Variants in CLOCK observed in about 807,000 individuals in gnomAD.
CLOCK encodes the protein clock circadian regulator.
A neutral mutation model predicts 118.4 loss-of-function variants in CLOCK; 43 were observed. That is an observed-to-expected ratio of 0.36 (90% CI 0.28 to 0.47). The LOEUF (loss-of-function observed/expected upper bound fraction) is 0.47. Among genes scored for constraint, CLOCK ranks in the 20% least tolerant of loss-of-function variants. The probability of loss-of-function intolerance (pLI) is 1.00; values close to 1 mark genes in which losing one functional copy is unlikely to be tolerated. For missense variants in CLOCK, 846 were observed against 999.9 expected, an observed-to-expected ratio of 0.85 and a Z score of 2.08; for synonymous variants, 326 against 339.2, an observed-to-expected ratio of 0.96 and a Z score of 0.43.
intron 4 of CLOCK, among the ~76,000 whole-genome samples, chr4:55,481,121 A>G (rs1362387586): frequency 6.6e-6 from 1 of 152,154 alleles, no homozygotes; most frequent in Admixed American, 6.5e-5. Flanking sequence ...GAAGTTTTAC[A>G]TAAATTCCCT....
intron 4 of CLOCK, among the ~76,000 whole-genome samples, chr4:55,482,112 T>A (rs1022445975): frequency 4.0e-4 from 61 of 152,318 alleles, no homozygotes; most frequent in African/African-American, 1.4e-3. Context: ...CTACTTTTAC[T>A]TTAGGTTCAG....
chr4:55,450,111 G>C lies in CLOCK; in HGVS notation c.1328C>G (p.Thr443Arg). 2 of 1,614,142 alleles carry C rather than the reference G, an allele frequency of 1.2e-6. No individual in the cohort carries two copies. Among genetic ancestry groups the C allele is most frequent in the East Asian group, 2.2e-5 (1 of 44,868 alleles). ...CTCACAGGAAGGGTCTGAGACGGCC[G>C]TGTGAGATGATTTTCTTGAACTCCG... ...SSRSSRKSSH[T>R]AVSDPSSTPT... The change falls in exon 16 of 23, where the codon ACG (threonine) becomes AGG (arginine). Residue 443 changes from threonine to arginine, a missense_variant. Thr to Arg is a moderately conservative substitution (Grantham distance 71, BLOSUM62 -1). Coordinates refer to ENST00000513440, the MANE Select transcript of CLOCK (RefSeq NM_004898.4).
rs1401873704 is a variant in CLOCK, at chr4:55,432,481, T to C, written c.*2934A>G. ...AATAAAGCAGAGGGAAGACTTTTTT[T>C]TTTTTTTTTTTAAAGCTGGAAGGTG... On this transcript the variant is annotated 3_prime_UTR_variant, in exon 23 of 23. Transcript: ENST00000513440. 1 of 151,186 alleles carries C rather than the reference T, an allele frequency of 6.6e-6. No individual in the cohort carries two copies. The highest frequency in any genetic ancestry group is 2.4e-5 in the African/African-American group (1 of 41,212). 9.4% of individuals were successfully genotyped at this position (151,186 alleles called of 1,614,324 possible). A position where few individuals can be genotyped will look rare whatever the true frequency, so the allele number is the denominator to read the frequency against.
chr4:55,544,222 TTCA>T (rs1489331742), intron 1 of CLOCK, among the ~76,000 whole-genome samples: 4 of 151,196 alleles, frequency 2.6e-5, no homozygotes, highest in African/African-American at 9.8e-5. Context: ...TTCACTGGGG[TTCA>T]TGTTTGATTT....
At chr4:55,530,286 C>T (rs1248471737) in intron 1 of CLOCK, among the ~76,000 whole-genome samples, 2 of 152,114 alleles carry the variant, frequency 1.3e-5, no homozygotes, top group Non-Finnish European at 2.9e-5. Flanking sequence ...AGAATAGCAT[C>T]AGACATCTTA....
intron 1 of CLOCK, among the ~76,000 whole-genome samples, chr4:55,522,756 A>C (rs950341280): frequency 2.6e-5 from 4 of 152,180 alleles, no homozygotes; most frequent in Non-Finnish European, 5.9e-5. Context: ...ATATGTATGC[A>C]TCTCCATATA....
intron 1 of CLOCK, among the ~76,000 whole-genome samples, chr4:55,542,666 A>T (rs1307765458): frequency 6.6e-6 from 1 of 152,002 alleles, no homozygotes; most frequent in African/African-American, 2.4e-5. Flanking sequence ...CAGTTAAGCA[A>T]AAGCCAAACC....
Position 55,463,822 on chromosome 4 carries a change from T to C in CLOCK, c.439-17A>G. 3.1e-6 allele frequency: 5 copies of C among 1,599,518 alleles called. No homozygotes were observed. The highest frequency in any genetic ancestry group is 4.3e-6 in the Non-Finnish European group (5 of 1,170,066). The stretch of plus-strand genomic sequence containing the variant: ...AAGATCAGACTGAAAAGAAAATTGT[T>C]AAAAGTAAAATAACTTCAATGATTC... On this transcript the variant is annotated splice_polypyrimidine_tract_variant and intron_variant, in intron 8 of 22. Transcript: ENST00000513440.
chr4:55,546,285 C>T (rs1731618966), intron 1 of CLOCK, among the ~76,000 whole-genome samples: 1 of 152,218 alleles, frequency 6.6e-6, no homozygotes, highest in Non-Finnish European at 1.5e-5. Context: ...CCACTCCCGC[C>T]CCTGCCCCGC....
At chr4:55,545,995 C>T (rs1302562503) in intron 1 of CLOCK, 1 of 152,242 alleles carries the variant, frequency 6.6e-6, no homozygotes, top group African/African-American at 2.4e-5. Flanking sequence ...CGGAACCAGC[C>T]CGCGGCCGGC....
At chr4:55,439,566 A>C (rs1265002371) in intron 21 of CLOCK, among the ~76,000 whole-genome samples, 1 of 152,184 alleles carries the variant, frequency 6.6e-6, no homozygotes, top group East Asian at 1.9e-4. Context: ...TACACCCATA[A>C]TCATAAGCAG....
intron 3 of CLOCK, among the ~76,000 whole-genome samples, chr4:55,485,542 GT>G (rs1455743904): frequency 6.6e-6 from 1 of 152,114 alleles, no homozygotes; most frequent in Admixed American, 6.5e-5. Flanking sequence ...TGTCCATGCT[GT>G]GGAGTCTAAG....
At chr4:55,513,857 C>T (rs1484102922) in intron 1 of CLOCK, among the ~76,000 whole-genome samples, 2 of 151,638 alleles carry the variant, frequency 1.3e-5, no homozygotes, top group African/African-American at 4.8e-5. Flanking sequence ...AGATTTATAC[C>T]TAAGTATTTA....
intron 2 of CLOCK, among the ~76,000 whole-genome samples, chr4:55,493,939 A>ATGAGGTTTAAATT (rs1727886072): frequency 6.6e-6 from 1 of 152,232 alleles, no homozygotes; most frequent in African/African-American, 2.4e-5. Flanking sequence ...TCATTAAATA[A>ATGAGGTTTAAATT]ACAAAAACTA....
chr4:55,507,813 G>C (rs1728906883), intron 2 of CLOCK, among the ~76,000 whole-genome samples: 1 of 152,124 alleles, frequency 6.6e-6, no homozygotes, highest in African/African-American at 2.4e-5. Context: ...CTTACTGTGT[G>C]CCAAATATGT....
At position 55,438,656 on chromosome 4, in the gene CLOCK, A is replaced by C. The variant is rs1723093078; in HGVS notation, c.2106-119T>G. ...CAATGACATTGCCAGTTTGTTTTTCAAGGTCTGTATATTCCTACTTTGTTT... is the reference window on the plus strand; with the variant it reads ...CAATGACATTGCCAGTTTGTTTTTCCAGGTCTGTATATTCCTACTTTGTTT... On this transcript the variant is annotated intron_variant, in intron 21 of 22. Coordinates refer to ENST00000513440, the MANE Select transcript of CLOCK (RefSeq NM_004898.4). The C allele has an allele frequency of 7.5e-6, 11 of 1,465,008 alleles. No homozygotes were observed. The South Asian group carries it at 1.2e-4, about 16-fold the overall frequency. The allele number at this position is 1,465,008 out of a possible 1,614,324, so 90.8% of individuals were successfully genotyped here.
intron 3 of CLOCK, among the ~76,000 whole-genome samples, chr4:55,483,519 T>C (rs1020840674): frequency 2.0e-5 from 3 of 152,156 alleles, no homozygotes; most frequent in African/African-American, 7.2e-5. Context: ...AACCAGAATC[T>C]ACATTTTCAC....
chr4:55,476,873 C>G (rs1577754812), intron 6 of CLOCK, among the ~76,000 whole-genome samples: 1 of 152,080 alleles, frequency 6.6e-6, no homozygotes, highest in African/African-American at 2.4e-5. Context: ...CTATATTCTA[C>G]AAAATATACT....
At position 55,496,546 on chromosome 4, in the gene CLOCK, A is replaced by C. The variant is rs923409428; in HGVS notation, c.-135-7081T>G. On this transcript the variant is annotated intron_variant, in intron 2 of 22. Coordinates refer to ENST00000513440, the MANE Select transcript of CLOCK (RefSeq NM_004898.4). ...CTGTGGCAAAATGTAATGATTGCTT[A>C]CCACTTTAATATAGTTCAAGTTGTG... Among the ~76,000 whole-genome samples the C allele has an allele frequency of 1.1e-4, 16 of 152,232 alleles. 1 individual carries two copies.
Sources: allele counts gnomAD v4.1 joint callset (sites outside exome capture counted in the v4.1 genomes callset), GRCh38; gene constraint gnomAD v4.1.1; transcripts MANE v1.5; gene names NCBI Gene and HGNC (gene_info 2026-07-23, HGNC 2026-07-21).